Variants in WWC2 observed in about 807,000 individuals in gnomAD.
WWC2 encodes protein WWC2.
A neutral mutation model predicts 138.5 loss-of-function variants in WWC2; 101 were observed. The observed-to-expected ratio is 0.73, with a 90% CI of 0.62 to 0.86. WWC2 has a LOEUF of 0.86. Among genes scored for constraint, WWC2 ranks in the 40% least tolerant of loss-of-function variants. The pLI, the probability that WWC2 is intolerant of heterozygous loss-of-function variation, is 0.00. For missense variants in WWC2, 1,420 were observed against 1,419.4 expected (o/e 1.00, Z -0.01); for synonymous variants, 558 against 538.4 (o/e 1.04, Z -0.50).
intron 1 of WWC2, among the ~76,000 whole-genome samples, chr4:183,126,499 CT>C (rs755098461): frequency 5.3e-5 from 8 of 152,176 alleles, no homozygotes; most frequent in Non-Finnish European, 1.0e-4. Context: ...TTTCTATCCA[CT>C]GTTGTCATTT....
chr4:183,297,791 C>A (rs575198086), intron 21 of WWC2, among the ~76,000 whole-genome samples: 10 of 152,198 alleles, frequency 6.6e-5, no homozygotes, highest in Non-Finnish European at 1.2e-4. Flanking sequence ...AGGAGATGGC[C>A]GCTAGTGTGC....
At chr4:183,154,415 G>T (rs1561439135) in intron 1 of WWC2, among the ~76,000 whole-genome samples, 1 of 152,162 alleles carries the variant, frequency 6.6e-6, no homozygotes, top group African/African-American at 2.4e-5. Flanking sequence ...TGGGTTATGT[G>T]CCATTTCTGA....
rs35558133 is a variant in WWC2, at chr4:183,261,439, C to T, written c.1816C>T (p.Leu606=). 9.0e-5 allele frequency: 145 copies of T among 1,612,232 alleles called. No homozygotes were observed. In the African/African-American group the frequency reaches 1.7e-3, roughly 19 times the overall value. The stretch of plus-strand genomic sequence containing the variant: ...CAGCCTCATCGAAAATCAGATTTTG[C>T]TGGATTCTGATTCAGGAGGAGCCTC... ...DISLIENQIL[L]DSDSGGASQS... The change falls in exon 11 of 23, where the codon CTG becomes TTG. Residue 606 remains leucine, a synonymous_variant. Transcript: ENST00000403733.
intron 16 of WWC2, among the ~76,000 whole-genome samples, chr4:183,275,789 A>G (rs1737834881): frequency 6.6e-6 from 1 of 152,086 alleles, no homozygotes; most frequent in Non-Finnish European, 1.5e-5. Context: ...GCCTCATAGT[A>G]TGAGTTAGAA....
intron 4 of WWC2, among the ~76,000 whole-genome samples, chr4:183,221,936 A>G (rs1437995749): frequency 2.6e-5 from 4 of 152,200 alleles, no homozygotes; most frequent in Admixed American, 1.3e-4. Flanking sequence ...TACCCATACA[A>G]CGAATTCAGT....
At chr4:183,128,104 G>T (rs1459073490) in intron 1 of WWC2, among the ~76,000 whole-genome samples, 2 of 151,674 alleles carry the variant, frequency 1.3e-5, no homozygotes, top group East Asian at 3.9e-4. Context: ...ACTTTGGGAG[G>T]CTGAGGCAGG....
At chr4:183,234,457 G>A (rs1326531149) in intron 4 of WWC2, among the ~76,000 whole-genome samples, 2 of 152,120 alleles carry the variant, frequency 1.3e-5, no homozygotes, top group Non-Finnish European at 2.9e-5. Context: ...GTGGGATACA[G>A]GAATAATGAA....
chr4:183,148,970 G>A (rs1399733103), intron 1 of WWC2, among the ~76,000 whole-genome samples: 1 of 151,986 alleles, frequency 6.6e-6, no homozygotes. Context: ...TGGTAGTAGG[G>A]AAGGGCCTTA....
intron 16 of WWC2, among the ~76,000 whole-genome samples, chr4:183,274,953 T>G (rs1737801777): frequency 6.6e-6 from 1 of 152,144 alleles, no homozygotes; most frequent in Non-Finnish European, 1.5e-5. Context: ...TGTAGCTGTT[T>G]TGAAGTATGT....
At chr4:183,108,401 G>C (rs1446850562) in intron 1 of WWC2, among the ~76,000 whole-genome samples, 3 of 152,034 alleles carry the variant, frequency 2.0e-5, no homozygotes, top group Admixed American at 6.5e-5. Context: ...TCCCAGTAGA[G>C]GGGTATCCTA....
chr4:183,261,369 TGCTG>T lies in WWC2; in HGVS notation c.1747_1750del (p.Ala583ThrfsTer7). ...ATGATGCCTCTCTCCATCAGTTCAC[TGCTG>T]ACTTTGAAGACTGTGAGTTGAGTAG... On this transcript the variant is annotated frameshift_variant, in exon 11 of 23. Transcript: ENST00000403733. LOFTEE classifies it high-confidence loss of function. 1 of 1,613,318 alleles carries T rather than the reference TGCTG, an allele frequency of 6.2e-7. No homozygotes were observed. Among genetic ancestry groups the T allele is most frequent in the Non-Finnish European group, 8.5e-7 (1 of 1,179,628 alleles).
In WWC2 at chr4:183,250,031, A is replaced by G. The variant is rs183323538; in HGVS notation, c.953+38A>G. The G allele has an allele frequency of 7.0e-6, 11 of 1,574,372 alleles. No individual in the cohort carries two copies. The East Asian group carries it at 1.3e-4, about 19-fold the overall frequency. ...AAGCTGTTTTGTGCATGGCTCAAAC[A>G]TTTTCTTTTCCAGAATTAATCTTTA... is the stretch of plus-strand genomic sequence containing the variant. On this transcript the variant is annotated intron_variant, in intron 8 of 22. Coordinates refer to ENST00000403733, the MANE Select transcript of WWC2 (RefSeq NM_024949.6).
At chr4:183,258,380 CT>C (rs761662263) in intron 9 of WWC2, among the ~76,000 whole-genome samples, 6 of 152,218 alleles carry the variant, frequency 3.9e-5, no homozygotes, top group Admixed American at 6.5e-5. Flanking sequence ...GCAAGAATTA[CT>C]TTTTTTAGTT....
At chr4:183,183,671 G>C (rs942007607) in intron 1 of WWC2, among the ~76,000 whole-genome samples, 1 of 152,068 alleles carries the variant, frequency 6.6e-6, no homozygotes, top group Admixed American at 6.5e-5. Flanking sequence ...CTAGCTCCTT[G>C]GGAGGCTGAG....
chr4:183,129,960 G>A (rs967268287), intron 1 of WWC2, among the ~76,000 whole-genome samples: 2 of 152,000 alleles, frequency 1.3e-5, no homozygotes, highest in South Asian at 2.1e-4. Flanking sequence ...TCTGTCTCTG[G>A]CCTTTTTCTC....
chr4:183,201,856 A>C (rs1352291950), intron 2 of WWC2, among the ~76,000 whole-genome samples: 4 of 152,216 alleles, frequency 2.6e-5, no homozygotes, highest in African/African-American at 9.6e-5. Flanking sequence ...CCCATGGCCC[A>C]TCTTGTTTTG....
At chr4:183,122,803 G>A (rs866765418) in intron 1 of WWC2, among the ~76,000 whole-genome samples, 1 of 152,292 alleles carries the variant, frequency 6.6e-6, no homozygotes. Context: ...ACAGGCATGA[G>A]CCACCGTGCC....
chr4:183,250,162 C>T (rs1335852419), intron 8 of WWC2, among the ~76,000 whole-genome samples, 169 bp downstream of exon 8: 1 of 148,392 alleles, frequency 6.7e-6, no homozygotes, highest in Non-Finnish European at 1.5e-5. Context: ...CTTTTCTTCC[C>T]CCCGCCCTCC....
intron 4 of WWC2, among the ~76,000 whole-genome samples, chr4:183,231,659 G>T (rs1052904204): frequency 1.3e-5 from 2 of 152,112 alleles, no homozygotes; most frequent in African/African-American, 4.8e-5. Flanking sequence ...AGGACATAGG[G>T]AATGAAGGAG....
Sources: allele counts gnomAD v4.1 joint callset (sites outside exome capture counted in the v4.1 genomes callset), GRCh38; gene constraint gnomAD v4.1.1; transcripts MANE v1.5; gene names NCBI Gene and HGNC (gene_info 2026-07-23, HGNC 2026-07-21).